CPEB3: variants seen among roughly 807,000 people sequenced by gnomAD.
The protein encoded by CPEB3 is cytoplasmic polyadenylation element-binding protein 3.
Under a neutral mutation model 67.2 loss-of-function variants are expected in CPEB3, and 20 were observed. That is an observed-to-expected ratio of 0.30 (90% CI 0.21 to 0.43). CPEB3 has a LOEUF of 0.43. Ranked by LOEUF, CPEB3 falls within the 20% of genes least tolerant of loss-of-function variation. The pLI, the probability that CPEB3 is intolerant of heterozygous loss-of-function variation, is 1.00. For synonymous variants in CPEB3, 376 were observed against 393.1 expected, an observed-to-expected ratio of 0.96 and a Z score of 0.51; for missense variants, 746 against 968.6, an observed-to-expected ratio of 0.77 and a Z score of 3.05.
In CPEB3 at chr10:92,159,827, C is replaced by G. The variant is rs767082658; in HGVS notation, c.1223-14742G>C. 5.9e-5 allele frequency among the ~76,000 whole-genome samples: 9 copies of G among 152,328 alleles called. No homozygotes were observed. The South Asian group carries it at 1.9e-3, about 32-fold the overall frequency. ...TCCTCAGGCATCAGACTTGCCCTCA[C>G]TCCACACCTTTAACTTCTTCACTTT... On this transcript the variant is annotated intron_variant, in intron 4 of 9. Transcript: ENST00000265997.
intron 6 of CPEB3, among the ~76,000 whole-genome samples, chr10:92,135,457 T>G (rs1005091313): frequency 6.6e-6 from 1 of 152,128 alleles, no homozygotes; most frequent in Non-Finnish European, 1.5e-5. Flanking sequence ...AAAACCACAA[T>G]GAGATACCAT....
intron 1 of CPEB3, among the ~76,000 whole-genome samples, chr10:92,260,211 A>G (rs545712873): frequency 1.3e-5 from 2 of 152,254 alleles, no homozygotes; most frequent in African/African-American, 2.4e-5. Flanking sequence ...ATAATTCTGA[A>G]TATCATTGAT....
At position 92,207,411 on chromosome 10, in the gene CPEB3, G is replaced by A. The variant is rs1787090602; in HGVS notation, c.1006-14775C>T. The stretch of plus-strand genomic sequence containing the variant: ...TTCTCAACCTGGAGACAGAAAGACA[G>A]AATGGTTTTAAGGCTCTGAATTGCC... On this transcript the variant is annotated intron_variant, in intron 2 of 9. Transcript: ENST00000265997. Among the ~76,000 whole-genome samples, 3 of 152,296 alleles carry A rather than the reference G, an allele frequency of 2.0e-5. No homozygotes were observed. In the South Asian group the frequency reaches 6.2e-4, roughly 32 times the overall value.
At position 92,239,655 on chromosome 10, in the gene CPEB3, TGCGGCAGCA is replaced by T; in HGVS notation, c.687_695del (p.Ala233_Ala235del). The T allele has an allele frequency of 1.3e-6, 2 of 1,562,478 alleles. No homozygotes were observed. Among genetic ancestry groups the T allele is most frequent in the Non-Finnish European group, 1.7e-6 (2 of 1,154,824 alleles). On this transcript the variant is annotated inframe_deletion, in exon 2 of 10. Transcript: ENST00000265997. The surrounding 1 kb of genome is among the most constrained non-coding windows in gnomAD (Gnocchi z 6.0). ...TGGACGAGGCCGACGAGGCGGCGGC[TGCGGCAGCA>T]GCGGCTGCAACCGCCGAAGACGAGG...
chr10:92,235,611 C>T (rs1851493764), intron 2 of CPEB3, among the ~76,000 whole-genome samples: 1 of 152,184 alleles, frequency 6.6e-6, no homozygotes, highest in Non-Finnish European at 1.5e-5. Flanking sequence ...TCATACAAGG[C>T]CAAAAACTAA....
chr10:92,235,012 A>G (rs534369257), intron 2 of CPEB3, among the ~76,000 whole-genome samples: 1 of 152,362 alleles, frequency 6.6e-6, no homozygotes, highest in East Asian at 1.9e-4. Context: ...AAGGAGTTCC[A>G]GTGAGAAACT....
intron 1 of CPEB3, among the ~76,000 whole-genome samples, chr10:92,250,021 C>CATATATAT (rs139850091): frequency 1.4e-3 from 199 of 146,328 alleles, no homozygotes; most frequent in Middle Eastern, 7.2e-3. Flanking sequence ...GACTCCATCT[C>CATATATAT]ATATATATAT....
intron 1 of CPEB3, among the ~76,000 whole-genome samples, chr10:92,280,753 CTTT>C (rs948586177): frequency 2.2e-5 from 2 of 91,670 alleles, no homozygotes; most frequent in East Asian, 3.7e-4. Context: ...AGCATCTATT[CTTT>C]TTTTTTTTTT....
At chr10:92,229,161 C>T (rs531129159) in intron 2 of CPEB3, among the ~76,000 whole-genome samples, 6 of 151,998 alleles carry the variant, frequency 3.9e-5, no homozygotes, top group Admixed American at 3.3e-4. Context: ...GTAGCTAGAA[C>T]TACAAGCATA....
intron 2 of CPEB3, among the ~76,000 whole-genome samples, chr10:92,209,652 C>G (rs1849973014): frequency 6.6e-6 from 1 of 152,046 alleles, no homozygotes; most frequent in African/African-American, 2.4e-5. Flanking sequence ...AATGCAAGGA[C>G]TCAAAAGTGG....
intron 2 of CPEB3, among the ~76,000 whole-genome samples, chr10:92,213,272 C>T (rs1411173235): frequency 1.3e-5 from 2 of 152,148 alleles, no homozygotes; most frequent in Non-Finnish European, 2.9e-5. Context: ...GTTTAGGAAA[C>T]TCAGTTTCAT....
chr10:92,211,486 A>G (rs988850369), intron 2 of CPEB3, among the ~76,000 whole-genome samples: 1 of 152,072 alleles, frequency 6.6e-6, no homozygotes, highest in Non-Finnish European at 1.5e-5. Context: ...AACACAAACT[A>G]TCTAAGCTCA....
intron 9 of CPEB3, among the ~76,000 whole-genome samples, chr10:92,060,282 G>A (rs920884419): frequency 3.3e-5 from 5 of 151,828 alleles, no homozygotes; most frequent in Non-Finnish European, 7.4e-5. Context: ...TCCAGGAGGT[G>A]GAGGTTGCAG....
At chr10:92,136,358 A>C (rs997321907) in intron 6 of CPEB3, among the ~76,000 whole-genome samples, 11 of 152,204 alleles carry the variant, frequency 7.2e-5, no homozygotes, top group Non-Finnish European at 1.3e-4. Context: ...CAAGTTAAAA[A>C]GCTTCTGCAC....
At position 92,239,293 on chromosome 10, in the gene CPEB3, G is replaced by C; in HGVS notation, c.1005+53C>G. 1.3e-6 allele frequency: 2 copies of C among 1,553,896 alleles called. No homozygotes were observed. The highest frequency in any genetic ancestry group is 1.7e-6 in the Non-Finnish European group (2 of 1,144,484). On this transcript the variant is annotated intron_variant, in intron 2 of 9. Coordinates refer to ENST00000265997, the MANE Select transcript of CPEB3 (RefSeq NM_014912.5). The surrounding 1 kb of genome is among the most constrained non-coding windows in gnomAD (Gnocchi z 6.0). The stretch of plus-strand genomic sequence containing the variant: ...GTGGATGATTAAAAGTCAGAGAAGT[G>C]GCAAAAGGAGCGGGGCAGAGGGAAG...
chr10:92,253,418 C>T lies in CPEB3; in HGVS notation c.-11-13057G>A, dbSNP rs370714131. On this transcript the variant is annotated intron_variant, in intron 1 of 9. Coordinates refer to ENST00000265997, the MANE Select transcript of CPEB3 (RefSeq NM_014912.5). ...GAGGTTGCAGTGAGCCGAGATCGCA[C>T]CACCGCACTCCAGCCTGACAACAGA... Among the ~76,000 whole-genome samples the T allele has an allele frequency of 2.0e-4, 29 of 144,096 alleles. No homozygotes were observed. In the East Asian group the frequency reaches 4.2e-3, roughly 21 times the overall value. The allele number at this position is 144,096 out of a possible 152,430, so 94.5% of individuals were successfully genotyped here.
At chr10:92,289,310 G>A (rs971446249) in intron 1 of CPEB3, among the ~76,000 whole-genome samples, 1 of 152,012 alleles carries the variant, frequency 6.6e-6, no homozygotes, top group Non-Finnish European at 1.5e-5. Context: ...GGCCGAGACG[G>A]GCTGATCGCC....
chr10:92,211,703 A>C (rs1850094708), intron 2 of CPEB3, among the ~76,000 whole-genome samples: 1 of 150,292 alleles, frequency 6.7e-6, no homozygotes. Context: ...CACCAGGTTA[A>C]TTTTTTTGTG....
intron 7 of CPEB3, among the ~76,000 whole-genome samples, chr10:92,107,427 G>A (rs966237609): frequency 2.0e-5 from 3 of 152,116 alleles, no homozygotes; most frequent in Non-Finnish European, 4.4e-5. Flanking sequence ...CCACATCTCT[G>A]GCCAACATGT....
Sources: gnomAD v4.1 joint callset for allele counts (sites outside exome capture counted in the v4.1 genomes callset) on GRCh38, gnomAD v4.1.1 for gene constraint, Gnocchi (gnomAD v3.1) non-coding constraint, MANE v1.5 for transcripts, NCBI Gene and HGNC (gene_info 2026-07-23, HGNC 2026-07-21) for gene names.